LUZP2: variants seen among roughly 807,000 people sequenced by gnomAD.
LUZP2 encodes leucine zipper protein 2.
LUZP2 carries 52 observed loss-of-function variants against 51.6 expected under a neutral mutation model. The ratio of observed to expected loss-of-function variants is 1.01; its 90% CI spans 0.81 to 1.27. The LOEUF (loss-of-function observed/expected upper bound fraction) is 1.27. Among genes scored for constraint, LUZP2 ranks in the 50% most tolerant of loss-of-function variants. LUZP2 has a pLI of 0.00. For synonymous variants in LUZP2, 154 were observed against 137.3 expected (o/e 1.12, Z -0.85); for missense variants, 436 against 395.4 (o/e 1.10, Z -0.87).
intron 5 of LUZP2, among the ~76,000 whole-genome samples, chr11:24,880,567 C>T (rs936098017): frequency 1.7e-4 from 26 of 152,088 alleles, no homozygotes; most frequent in African/African-American, 5.6e-4. Context: ...TGAGGTGATA[C>T]TCATGCTATT....
chr11:24,966,030 A>C (rs1470390390), intron 7 of LUZP2, among the ~76,000 whole-genome samples: 1 of 151,912 alleles, frequency 6.6e-6, no homozygotes, highest in African/African-American at 2.4e-5. Flanking sequence ...AAGATAAGAT[A>C]GTACACTTAA....
At chr11:24,944,468 T>C (rs1350105445) in intron 7 of LUZP2, among the ~76,000 whole-genome samples, 2 of 152,192 alleles carry the variant, frequency 1.3e-5, no homozygotes, top group African/African-American at 4.8e-5. Context: ...AACATACTTA[T>C]AAAATATGCA....
chr11:24,602,094 A>C (rs983660678), intron 1 of LUZP2, among the ~76,000 whole-genome samples: 5 of 127,590 alleles, frequency 3.9e-5, no homozygotes, highest in Non-Finnish European at 8.1e-5. Context: ...GTATATATGT[A>C]TATATGTGTA....
chr11:25,037,263 T>C (rs1003684214), intron 9 of LUZP2, among the ~76,000 whole-genome samples: 2 of 152,186 alleles, frequency 1.3e-5, no homozygotes, highest in African/African-American at 2.4e-5. Flanking sequence ...TTATGTGATA[T>C]AAGAATAGCT....
intron 9 of LUZP2, among the ~76,000 whole-genome samples, chr11:25,045,256 A>T (rs1858268455): frequency 6.6e-6 from 1 of 152,148 alleles, no homozygotes; most frequent in African/African-American, 2.4e-5. Context: ...TACATGATTT[A>T]AAGCAAAATT....
rs1849754718 is a variant in LUZP2 at position 24,803,480 on chromosome 11, A to G, written c.396+40172A>G. Among the ~76,000 whole-genome samples, 3 of 152,092 alleles carry G rather than the reference A, an allele frequency of 2.0e-5. No individual in the cohort carries two copies. In the South Asian group the frequency reaches 6.2e-4, roughly 31 times the overall value. On this transcript the variant is annotated intron_variant, in intron 5 of 11. Coordinates refer to ENST00000336930, the MANE Select transcript of LUZP2 (RefSeq NM_001009909.4). The stretch of plus-strand genomic sequence containing the variant: ...AAATATTCTAAAAATAGAATTTCCA[A>G]ATGATCCAAATTTTCTGCAAGCAGA...
At chr11:24,559,363 A>G (rs1432763035) in intron 1 of LUZP2, among the ~76,000 whole-genome samples, 1 of 152,226 alleles carries the variant, frequency 6.6e-6, no homozygotes, top group Non-Finnish European at 1.5e-5. Context: ...GAAGATGGTT[A>G]TCATAAATTT....
chr11:24,670,483 G>A (rs1234291766), intron 1 of LUZP2, among the ~76,000 whole-genome samples: 1 of 151,910 alleles, frequency 6.6e-6, no homozygotes. Context: ...TTTTGAACCT[G>A]TCTTATTTAT....
chr11:24,968,966 A>G (rs1488355217), intron 7 of LUZP2, among the ~76,000 whole-genome samples: 2 of 152,226 alleles, frequency 1.3e-5, no homozygotes, highest in Non-Finnish European at 2.9e-5. Flanking sequence ...TTACCCTGTC[A>G]TCTCTGACAT....
intron 5 of LUZP2, among the ~76,000 whole-genome samples, chr11:24,853,421 T>C (rs7934701): frequency 0.14 from 20,933 of 151,902 alleles, 1,508 homozygotes; most frequent in South Asian, 0.19. Flanking sequence ...CAGCTATTGA[T>C]ACTTCTGTAT....
chr11:24,731,163 C>T (rs7928979), intron 2 of LUZP2, among the ~76,000 whole-genome samples: 36,487 of 151,468 alleles, frequency 0.24, 5,482 homozygotes, highest in East Asian at 0.47. Context: ...ACTTATCATA[C>T]TACATTAAAA....
At chr11:25,031,010 TATATA>T (rs1239443223) in intron 9 of LUZP2, among the ~76,000 whole-genome samples, 57 of 4,168 alleles carry the variant, frequency 0.014, 12 homozygotes, top group African/African-American at 0.018. Context: ...TATATATATA[TATATA>T]TTTTTTTTTT....
At chr11:24,738,198 T>A in intron 3 of LUZP2, 23 bp from the exon 4 acceptor site, 1 of 1,470,156 alleles carries the variant, frequency 6.8e-7, no homozygotes, top group Non-Finnish European at 9.5e-7. Context: ...TTCTCACTTA[T>A]GCTCTGTTTT....
chr11:24,898,118 A>G (rs1351200812), intron 5 of LUZP2, among the ~76,000 whole-genome samples: 1 of 152,216 alleles, frequency 6.6e-6, no homozygotes, highest in Non-Finnish European at 1.5e-5. Context: ...AAAATTGTAC[A>G]ACTCCTATTC....
chr11:24,917,881 G>T (rs1853847668), intron 7 of LUZP2, among the ~76,000 whole-genome samples: 1 of 152,102 alleles, frequency 6.6e-6, no homozygotes, highest in African/African-American at 2.4e-5. Flanking sequence ...GAAAGTCATT[G>T]GTAGCTTGCT....
intron 8 of LUZP2, among the ~76,000 whole-genome samples, chr11:24,982,700 A>C (rs1450136949): frequency 2.0e-5 from 3 of 151,764 alleles, no homozygotes; most frequent in Non-Finnish European, 4.4e-5. Flanking sequence ...TAATCTGTAC[A>C]ACAAACCCTC....
intron 10 of LUZP2, among the ~76,000 whole-genome samples, chr11:25,069,313 T>G (rs1406713010): frequency 6.6e-6 from 1 of 151,980 alleles, no homozygotes; most frequent in Admixed American, 6.6e-5. Flanking sequence ...TGCAGATCTG[T>G]TGATCTTGTT....
At chr11:24,540,046 A>C (rs545363848) in intron 1 of LUZP2, among the ~76,000 whole-genome samples, 9 of 152,210 alleles carry the variant, frequency 5.9e-5, no homozygotes, top group Non-Finnish European at 7.4e-5. Context: ...TGTGTATGAA[A>C]AATTTAATAG....
intron 7 of LUZP2, among the ~76,000 whole-genome samples, chr11:24,917,233 G>A (rs1035477875): frequency 1.2e-4 from 18 of 151,894 alleles, no homozygotes; most frequent in Non-Finnish European, 2.4e-4. Flanking sequence ...CTGAATATTA[G>A]CCCTTTGACA....
Sources: allele counts gnomAD v4.1 joint callset (sites outside exome capture counted in the v4.1 genomes callset), GRCh38; gene constraint gnomAD v4.1.1; transcripts MANE v1.5; gene names NCBI Gene and HGNC (gene_info 2026-07-23, HGNC 2026-07-21).